The following HSPA12A variants were observed in gnomAD, a reference collection of about 807,000 sequenced individuals.
HSPA12A encodes heat shock protein family A (Hsp70) member 12A.
A neutral mutation model predicts 69.2 loss-of-function variants in HSPA12A; 28 were observed. The observed-to-expected ratio is 0.40, with a 90% CI of 0.30 to 0.55. HSPA12A has a LOEUF of 0.55. HSPA12A is among the 20% of genes least tolerant of loss of function. The pLI, the probability that HSPA12A is intolerant of heterozygous loss-of-function variation, is 0.38. For synonymous variants in HSPA12A, 345 were observed against 370.5 expected (o/e 0.93, Z 0.79); for missense variants, 686 against 900.7 (o/e 0.76, Z 3.05).
In HSPA12A at chr10:116,676,511, G is replaced by A; in HGVS notation, c.1287-9C>T. The A allele has an allele frequency of 6.2e-7, 1 of 1,606,452 alleles. No individual in the cohort carries two copies. Among genetic ancestry groups the A allele is most frequent in the Middle Eastern group, 1.7e-4 (1 of 6,048 alleles). The stretch of plus-strand genomic sequence containing the variant: ...ACTTCACAAAATCCACACTGCAGGA[G>A]CATAGCATGGAGAAGAGCAGGCAGT... On this transcript the variant is annotated splice_polypyrimidine_tract_variant and intron_variant, in intron 10 of 11. Coordinates refer to ENST00000369209, the MANE Select transcript of HSPA12A (RefSeq NM_025015.3).
In HSPA12A at chr10:116,726,804, T is replaced by C. The variant is rs138112745; in HGVS notation, c.40+15626A>G. 8.6e-3 allele frequency among the ~76,000 whole-genome samples: 1,309 copies of C among 152,278 alleles called. 21 individuals are homozygous for C. Among genetic ancestry groups the C allele is most frequent in the African/African-American group, 0.029 (1,198 of 41,542 alleles). ...TCTTCATGTGGAAAATGAAGTTGGC[T>C]CACAGAACACTGAGAGCTCCCACAC... On this transcript the variant is annotated intron_variant, in intron 1 of 11. Coordinates refer to ENST00000369209, the MANE Select transcript of HSPA12A (RefSeq NM_025015.3).
At chr10:116,800,035 C>G (rs920438573) in intron 2 of HSPA12A, among the ~76,000 whole-genome samples, 2 of 152,156 alleles carry the variant, frequency 1.3e-5, no homozygotes, top group African/African-American at 4.8e-5. Flanking sequence ...TCCTCCAACA[C>G]TCATTCCATC....
chr10:116,727,411 C>T (rs1253344738), intron 1 of HSPA12A, among the ~76,000 whole-genome samples: 1 of 152,164 alleles, frequency 6.6e-6, no homozygotes, highest in African/African-American at 2.4e-5. Context: ...GAGCAAGCTC[C>T]AATGCACTGG....
At chr10:116,799,110 G>C (rs1844900815) in intron 2 of HSPA12A, among the ~76,000 whole-genome samples, 1 of 152,084 alleles carries the variant, frequency 6.6e-6, no homozygotes, top group Non-Finnish European at 1.5e-5. Context: ...ACTGACGGAG[G>C]ATTAAAGGAA....
intron 1 of HSPA12A, among the ~76,000 whole-genome samples, chr10:116,843,925 T>C (rs1486728265): frequency 6.6e-6 from 1 of 152,190 alleles, no homozygotes; most frequent in African/African-American, 2.4e-5. Flanking sequence ...TAGAAGCTAA[T>C]AGAACCTCCA....
At chr10:116,818,955 A>AAC (rs200148537) in intron 2 of HSPA12A, among the ~76,000 whole-genome samples, 1,627 of 152,026 alleles carry the variant, frequency 0.011, 21 homozygotes, top group African/African-American at 0.034. Context: ...CTTCTCTGTT[A>AAC]ACCCTTTGCA....
intron 2 of HSPA12A, among the ~76,000 whole-genome samples, chr10:116,781,644 G>T (rs1844466460): frequency 6.6e-6 from 1 of 152,108 alleles, no homozygotes; most frequent in Non-Finnish European, 1.5e-5. Context: ...TTGCTTAATT[G>T]TCGCTAAAAG....
intron 2 of HSPA12A, among the ~76,000 whole-genome samples, chr10:116,759,470 G>A (rs562377344): frequency 1.3e-5 from 2 of 152,286 alleles, no homozygotes; most frequent in African/African-American, 2.4e-5. Flanking sequence ...CCACTCTGAA[G>A]TCTAAACCAA....
intron 2 of HSPA12A, among the ~76,000 whole-genome samples, chr10:116,771,745 G>A (rs1274352769): frequency 3.9e-5 from 6 of 152,182 alleles, no homozygotes; most frequent in Admixed American, 2.6e-4. Context: ...AACAAGGGGC[G>A]CTTGCTTGTC....
intron 2 of HSPA12A, among the ~76,000 whole-genome samples, chr10:116,811,770 A>G (rs1681747): frequency 1 from 151,729 of 152,162 alleles, 75,651 homozygotes; most frequent in Middle Eastern, 1. Context: ...GGGTTTTCCC[A>G]TATGTCAACT....
chr10:116,688,448 G>A (rs1400270725), intron 6 of HSPA12A, among the ~76,000 whole-genome samples: 2 of 152,250 alleles, frequency 1.3e-5, no homozygotes, highest in Admixed American at 6.5e-5. Context: ...CTCAGGAGAA[G>A]CAGGTGAGAA....
chr10:116,698,714 G>C lies in HSPA12A; in HGVS notation c.467C>G (p.Thr156Arg). ...TGDLTMDTDL[T>R]AANGKKVKAL... is the part of the protein sequence containing the mutation. ...TTTGACTTTCTTGCCATTTGCTGCC[G>C]TCAGGTCTGTATCCATGGTGAGGTC... Residue 156 changes from threonine (T) to arginine (R), a missense_variant, in exon 5 of 12, where the codon ACG becomes AGG. By Grantham distance (71) the Thr-to-Arg change is moderately conservative. Transcript: ENST00000369209. 1 of 1,613,992 alleles carries C rather than the reference G, an allele frequency of 6.2e-7. No individual in the cohort carries two copies. Among genetic ancestry groups the C allele is most frequent in the Admixed American group, 1.7e-5 (1 of 60,028 alleles).
chr10:116,725,480 C>G (rs1204969180), intron 1 of HSPA12A, among the ~76,000 whole-genome samples: 1 of 152,184 alleles, frequency 6.6e-6, no homozygotes, highest in African/African-American at 2.4e-5. Context: ...TGGCCCCCAA[C>G]AGGCTGGGGG....
chr10:116,688,688 T>G (rs1849648496), intron 6 of HSPA12A, among the ~76,000 whole-genome samples: 1 of 152,242 alleles, frequency 6.6e-6, no homozygotes. Flanking sequence ...TGATCATTTC[T>G]CACTGCAGCT....
chr10:116,692,538 A>G, intron 5 of HSPA12A, 71 bp from the exon 6 acceptor site: 4 of 1,170,404 alleles, frequency 3.4e-6, no homozygotes, highest in Non-Finnish European at 5.1e-6. Flanking sequence ...CTGTGGCTTC[A>G]CTGAACCCAG....
intron 4 of HSPA12A, among the ~76,000 whole-genome samples, 176 bp from the exon 5 acceptor site, chr10:116,698,915 T>C (rs1844008230): frequency 1.3e-5 from 2 of 152,062 alleles, no homozygotes; most frequent in Admixed American, 6.5e-5. Context: ...CTGGCAGCAG[T>C]GTCCCCTTAC....
chr10:116,801,215 C>T (rs191064795), intron 2 of HSPA12A, among the ~76,000 whole-genome samples: 2 of 152,276 alleles, frequency 1.3e-5, no homozygotes, highest in East Asian at 3.9e-4. Context: ...GGAATGGACT[C>T]GGTAAAAATA....
chr10:116,680,076 C>T (rs1278895655), intron 9 of HSPA12A, among the ~76,000 whole-genome samples: 5 of 152,050 alleles, frequency 3.3e-5, no homozygotes, highest in South Asian at 2.1e-4. Flanking sequence ...CTGCAATCTC[C>T]GCCTCCTGGG....
intron 2 of HSPA12A, among the ~76,000 whole-genome samples, chr10:116,833,973 A>T (rs1845666139): frequency 6.6e-6 from 1 of 152,218 alleles, no homozygotes; most frequent in South Asian, 2.1e-4. Context: ...CCTCCCAGAG[A>T]TAACCCAAAT....
Sources: gnomAD v4.1 joint callset for allele counts (sites outside exome capture counted in the v4.1 genomes callset) on GRCh38, gnomAD v4.1.1 for gene constraint, MANE v1.5 for transcripts, NCBI Gene and HGNC (gene_info 2026-07-23, HGNC 2026-07-21) for gene names.